The following WNK1 variants were observed in gnomAD, a reference collection of about 807,000 sequenced individuals.
WNK1 encodes the protein serine/threonine-protein kinase WNK1.
Under a neutral mutation model 222.8 loss-of-function variants are expected in WNK1, and 38 were observed. The observed-to-expected ratio is 0.17, with a 90% confidence interval of 0.13 to 0.22. The LOEUF (loss-of-function observed/expected upper bound fraction) is 0.22. Ranked by LOEUF, WNK1 falls within the 10% of genes least tolerant of loss-of-function variation. WNK1 has a pLI of 1.00. For missense variants in WNK1, 2,348 were observed against 2,918.4 expected (o/e 0.80, Z 4.50); for synonymous variants, 1,090 against 1,092.9 (o/e 1.00, Z 0.05).
intron 1 of WNK1, among the ~76,000 whole-genome samples, chr12:759,543 C>T (rs543179606): frequency 6.8e-6 from 1 of 147,378 alleles, no homozygotes; most frequent in Admixed American, 6.7e-5. Flanking sequence ...GTTGGCCAGG[C>T]TGGTCTTGAA....
At chr12:791,415 TAAATTATATCATGTATGTGA>T (rs1944825411) in intron 1 of WNK1, among the ~76,000 whole-genome samples, 1 of 152,182 alleles carries the variant, frequency 6.6e-6, no homozygotes, top group Non-Finnish European at 1.5e-5. Context: ...AGTGCGGTTA[TAAATTATATCATGTATGTGA>T]AAATTATTTT....
intron 4 of WNK1, among the ~76,000 whole-genome samples, chr12:849,236 A>G (rs1950244743): frequency 6.6e-6 from 1 of 152,212 alleles, no homozygotes; most frequent in Non-Finnish European, 1.5e-5. Flanking sequence ...TAGATGTATT[A>G]CTTCCAAACA....
intron 9 of WNK1, among the ~76,000 whole-genome samples, chr12:876,824 A>C (rs752326808): frequency 1.3e-5 from 2 of 152,056 alleles, no homozygotes; most frequent in Non-Finnish European, 2.9e-5. Context: ...TTATTTTAAC[A>C]AAAAAAGAAA....
intron 1 of WNK1, among the ~76,000 whole-genome samples, chr12:763,861 T>G (rs1314628723): frequency 6.8e-6 from 1 of 147,646 alleles, no homozygotes; most frequent in African/African-American, 2.4e-5. Flanking sequence ...GGGATGATAG[T>G]GCTGTCAACT....
At chr12:831,975 A>T (rs566475282) in intron 4 of WNK1, among the ~76,000 whole-genome samples, 1 of 151,938 alleles carries the variant, frequency 6.6e-6, no homozygotes, top group Non-Finnish European at 1.5e-5. Context: ...ATTTTTAGTG[A>T]TGTAATTTAA....
rs367712687 is a variant in WNK1 at position 885,464 on chromosome 12, G to A, written c.4660G>A (p.Gly1554Arg). 1.2e-6 allele frequency: 2 copies of A among 1,613,866 alleles called. No homozygotes were observed. Among genetic ancestry groups the A allele is most frequent in the Admixed American group, 1.7e-5 (1 of 60,020 alleles). The change falls in exon 19 of 28, where the codon GGA becomes AGA. Residue 1554 changes from glycine (G) to arginine (R), a missense_variant. Around this residue, in one of 13 missense-constraint regions of WNK1, gnomAD observed 1,144 missense variants for 1,273.6 expected, o/e 0.90. Coordinates refer to ENST00000315939, the MANE Select transcript of WNK1 (RefSeq NM_018979.4). ...LSAPSSSSSP[G>R]AGVSSYISQP... Reference sequence around the variant, plus strand: ...TGCACCATCTTCCTCTTCCTCTCCTGGAGCAGGAGTGTCTAGTTATATTTC... The same window carrying A: ...TGCACCATCTTCCTCTTCCTCTCCTAGAGCAGGAGTGTCTAGTTATATTTC...
chr12:868,341 C>T, intron 8 of WNK1: 2 of 1,613,614 alleles, frequency 1.2e-6, no homozygotes, highest in East Asian at 2.2e-5. Context: ...CCATACAACT[C>T]ATCAGTACTG....
intron 1 of WNK1, among the ~76,000 whole-genome samples, chr12:807,970 C>T (rs934000421): frequency 3.9e-5 from 6 of 152,004 alleles, no homozygotes; most frequent in Admixed American, 6.5e-5. Flanking sequence ...CCGCCCGCCT[C>T]GGCCTCCCAA....
At chr12:898,482 CAA>C (rs374726378) in intron 25 of WNK1, among the ~76,000 whole-genome samples, 96 of 76,768 alleles carry the variant, frequency 1.3e-3, no homozygotes, top group Non-Finnish European at 1.8e-3. Context: ...GACTCTGTCT[CAA>C]AAAAAAAAAA....
rs529041156 is a variant in WNK1, at chr12:763,448, G to T, written c.759+9124G>T. The stretch of plus-strand genomic sequence containing the variant: ...AAAATACAAAAAAAAAACTAGCCGG[G>T]TGTGGTGGTGCATGCCTGTAATCCC... On this transcript the variant is annotated intron_variant, in intron 1 of 27. Transcript: ENST00000315939. Among the ~76,000 whole-genome samples, 79 of 147,006 alleles carry T rather than the reference G, an allele frequency of 5.4e-4. 7 individuals carry two copies. The highest frequency in any genetic ancestry group is 2.7e-4 in the Admixed American group (4 of 14,800).
chr12:776,412 T>TTG (rs59148357), intron 1 of WNK1, among the ~76,000 whole-genome samples: 22,880 of 146,068 alleles, frequency 0.16, 1,803 homozygotes, highest in Middle Eastern at 0.2. Flanking sequence ...GTTTGTGTGT[T>TTG]TGTGTGTGTG....
In WNK1 at chr12:890,467, G is replaced by A. The variant is rs770977819; in HGVS notation, c.5463G>A (p.Ala1821=). The change falls in exon 22 of 28, where the codon GCG becomes GCA. Residue 1821 remains alanine (A), a synonymous_variant. Transcript: ENST00000315939. The stretch of plus-strand genomic sequence containing the variant: ...GTGTTTTACAGCCTGTGTCCATGGC[G>A]GCTCCAACAGCAATCACAGAAGCAG... The part of the protein sequence containing the change: ...VTSAVGPVSM[A]APTAITEAGT... 3.1e-5 allele frequency: 50 copies of A among 1,613,980 alleles called. 1 individual carries two copies. The highest frequency in any genetic ancestry group is 1.8e-4 in the East Asian group (8 of 44,892).
At chr12:777,149 AT>A (rs1354389399) in intron 1 of WNK1, among the ~76,000 whole-genome samples, 2 of 131,856 alleles carry the variant, frequency 1.5e-5, no homozygotes, top group Non-Finnish European at 3.3e-5. Context: ...ATTTGGAGGG[AT>A]TTTTTTTGTT....
chr12:828,573 C>G (rs1437330947), intron 3 of WNK1, among the ~76,000 whole-genome samples: 1 of 152,154 alleles, frequency 6.6e-6, no homozygotes, highest in Non-Finnish European at 1.5e-5. Flanking sequence ...CACGCTCCCT[C>G]TGTACCTGCC....
chr12:854,211 A>T (rs1950603187), intron 4 of WNK1, among the ~76,000 whole-genome samples: 1 of 151,702 alleles, frequency 6.6e-6, no homozygotes, highest in South Asian at 2.1e-4. Context: ...CTCCAAAAAG[A>T]CAAAAAATTA....
intron 1 of WNK1, among the ~76,000 whole-genome samples, chr12:797,796 A>G (rs1466209501): frequency 1.3e-5 from 2 of 151,896 alleles, no homozygotes; most frequent in Admixed American, 6.6e-5. Context: ...AAAATACAAA[A>G]AAATTAGCCG....
Position 851,856 on chromosome 12 carries a change from A to C in WNK1, c.1312-5305A>C, listed in dbSNP as rs1446377654. 9 of 1,166,796 alleles carry C rather than the reference A, an allele frequency of 7.7e-6. No individual in the cohort carries two copies. The African/African-American group carries it at 1.4e-4, about 19-fold the overall frequency. 72.3% of individuals were successfully genotyped at this position (1,166,796 alleles called of 1,614,324 possible). A position where few individuals can be genotyped will look rare whatever the true frequency, so the allele number is the denominator to read the frequency against. On this transcript the variant is annotated intron_variant, in intron 4 of 27. Coordinates refer to ENST00000315939, the MANE Select transcript of WNK1 (RefSeq NM_018979.4). ...TGGTGATATTGGTAGAAAGTTTCCA[A>C]TATTGAAATTGTTAACTTTCAGTTA... is the stretch of plus-strand genomic sequence containing the variant.
At position 879,831 on chromosome 12, in the gene WNK1, T is replaced by C; in HGVS notation, c.2632T>C (p.Ser878Pro). Residue 878 changes from serine to proline, a missense_variant, in exon 11 of 28, where the codon TCA (serine) becomes CCA (proline). Physicochemically the swap from Ser to Pro is moderately conservative, Grantham distance 74. Transcript: ENST00000315939. ...GITQPLLTLA[S>P]SATTAAIPGV... ...TACTCAGCCTCTGCTCACGTTGGCT[T>C]CATCTGCTACAACAGCTGCGATCCC... 1 of 1,614,166 alleles carries C rather than the reference T, an allele frequency of 6.2e-7. No individual in the cohort carries two copies. Among genetic ancestry groups the C allele is most frequent in the East Asian group, 2.2e-5 (1 of 44,884 alleles).
At chr12:879,543 T>A in intron 10 of WNK1, 30 bp from the exon 11 acceptor site, 7 of 1,046,232 alleles carry the variant, frequency 6.7e-6, no homozygotes, top group Non-Finnish European at 1.0e-5. Flanking sequence ...TTTTTAAGCC[T>A]GTCTGTTTTG....
Sources: allele counts gnomAD v4.1 joint callset (sites outside exome capture counted in the v4.1 genomes callset), GRCh38; gene constraint gnomAD v4.1.1; regional missense constraint gnomAD v4.1.1; transcripts MANE v1.5; gene names NCBI Gene and HGNC (gene_info 2026-07-23, HGNC 2026-07-21).